The following RTL9 variants were observed in gnomAD, a reference collection of about 807,000 sequenced individuals.
RTL9 encodes retrotransposon Gag like 9, also known as retrotransposon Gag-like protein 9.
Under a neutral mutation model 44.7 loss-of-function variants are expected in RTL9, and 19 were observed. The observed-to-expected ratio is 0.42, with a 90% CI of 0.30 to 0.62. The LOEUF (loss-of-function observed/expected upper bound fraction) is 0.62. Ranked by LOEUF, RTL9 falls within the 20% of genes least tolerant of loss-of-function variation. The pLI is 0.16. For missense variants in RTL9, 1,105 were observed against 1,080.6 expected (o/e 1.02, Z -0.32); for synonymous variants, 407 against 398.9 (o/e 1.02, Z -0.24).
intron 1 of RTL9, among the ~76,000 whole-genome samples, chrX:110,392,126 A>T (rs2148287200): frequency 8.9e-6 from 1 of 112,299 alleles, no homozygotes; most frequent in Admixed American, 9.5e-5. Context: ...TTGATTTGAC[A>T]TTTAAAATAG....
intron 1 of RTL9, among the ~76,000 whole-genome samples, chrX:110,431,879 T>A (rs1045120116): frequency 9.0e-6 from 1 of 111,102 alleles, no homozygotes; most frequent in African/African-American, 3.3e-5. Context: ...CAGGAGAGAT[T>A]TGGGAGTTAG....
chrX:110,373,021 T>A (rs1237673429), intron 1 of RTL9, among the ~76,000 whole-genome samples: 1 of 112,330 alleles, frequency 8.9e-6, no homozygotes, highest in African/African-American at 3.2e-5. Flanking sequence ...GTACTTACTA[T>A]GTGCCAAGCA....
intron 1 of RTL9, among the ~76,000 whole-genome samples, chrX:110,398,868 G>A (rs776445128): frequency 1.8e-5 from 2 of 112,177 alleles, no homozygotes; most frequent in African/African-American, 3.2e-5. Context: ...TTCATTTGCC[G>A]ACTTTAATTG....
upstream of RTL9, among the ~76,000 whole-genome samples, chrX:110,417,080 C>T (rs967024621): frequency 1.8e-5 from 2 of 112,292 alleles, no homozygotes; most frequent in Non-Finnish European, 3.8e-5. Flanking sequence ...CCTTCAAAGG[C>T]AGTCTGTTTG....
At chrX:110,455,485 T>C in exon 2 of RTL9, 1 of 566,012 alleles carries the variant, frequency 1.8e-6, no homozygotes, top group Non-Finnish European at 2.7e-6. Context: ...TGATTTGACC[T>C]TCTCTTTCAC....
intron 1 of RTL9, among the ~76,000 whole-genome samples, chrX:110,428,753 A>G (rs2068773088): frequency 9.0e-6 from 1 of 111,274 alleles, no homozygotes; most frequent in African/African-American, 3.3e-5. Context: ...CTTCCCAACC[A>G]TACCTCCCCC....
chrX:110,432,127 G>C (rs1161324257), intron 1 of RTL9, among the ~76,000 whole-genome samples: 1 of 112,148 alleles, frequency 8.9e-6, no homozygotes, highest in Non-Finnish European at 1.9e-5. Flanking sequence ...AGAGTTAAGA[G>C]GGGATCCCTG....
At chrX:110,378,670 T>C (rs2068396327) in intron 1 of RTL9, among the ~76,000 whole-genome samples, 2 of 112,223 alleles carry the variant, frequency 1.8e-5, no homozygotes, top group Admixed American at 1.9e-4. Flanking sequence ...TTCTTTCACC[T>C]GGAATTAACT....
At chrX:110,437,487 G>C (rs1350926052) in intron 1 of RTL9, among the ~76,000 whole-genome samples, 2 of 111,975 alleles carry the variant, frequency 1.8e-5, no homozygotes, top group Non-Finnish European at 3.8e-5. Flanking sequence ...CTAGTAAGTA[G>C]CAGAGCCAGA....
intron 1 of RTL9, among the ~76,000 whole-genome samples, chrX:110,404,909 A>G (rs2068588240): frequency 8.9e-6 from 1 of 112,059 alleles, no homozygotes; most frequent in Non-Finnish European, 1.9e-5. Flanking sequence ...AAATACACAT[A>G]GTAGCATTTT....
intron 1 of RTL9, among the ~76,000 whole-genome samples, chrX:110,423,297 C>T (rs1255192695): frequency 2.9e-5 from 3 of 104,041 alleles, no homozygotes; most frequent in East Asian, 3.0e-4. Context: ...CATTGCACTC[C>T]AACCTGGGCA....
At position 110,394,795 on chromosome X, in the gene RTL9, A is replaced by T. The variant is rs189772413; in HGVS notation, c.-168+35879A>T. Reference sequence around the variant, plus strand: ...TCTGCCTCTTCAACTGGAAAATGGAATCTGTAAGTTGCAGCACTAGCTTCT... The same window carrying T: ...TCTGCCTCTTCAACTGGAAAATGGATTCTGTAAGTTGCAGCACTAGCTTCT... On this transcript the variant is annotated intron_variant, in intron 1 of 2. Coordinates refer to the RTL9 transcript ENST00000520821. 2.7e-5 allele frequency among the ~76,000 whole-genome samples: 3 copies of T among 112,586 alleles called. No homozygotes were observed. In the East Asian group the frequency reaches 8.5e-4, roughly 32 times the overall value.
chrX:110,424,358 C>T (rs2068739657), intron 1 of RTL9, among the ~76,000 whole-genome samples: 2 of 111,772 alleles, frequency 1.8e-5, no homozygotes, highest in Admixed American at 1.9e-4. Context: ...TGTTTCTCCT[C>T]CTCTATTTAT....
chrX:110,411,980 A>C (rs1204886525), intron 1 of RTL9, among the ~76,000 whole-genome samples: 1 of 112,903 alleles, frequency 8.9e-6, no homozygotes, highest in Non-Finnish European at 1.9e-5. Flanking sequence ...AAGATAATGA[A>C]CAATTCACTA....
Position 110,378,031 on chromosome X carries a change from AAT to A in RTL9, c.-168+19118_-168+19119del, listed in dbSNP as rs1331092017. Among the ~76,000 whole-genome samples, 82 of 107,592 alleles carry A rather than the reference AAT, an allele frequency of 7.6e-4. 1 individual carries two copies. Among genetic ancestry groups the A allele is most frequent in the Admixed American group, 1.7e-3 (17 of 10,068 alleles). The allele number at this position is 107,592 out of a possible 115,157, so 93.4% of individuals were successfully genotyped here. ...CTCAAAAAAAAAAAAAAAAAAAAAA[AAT>A]ATCTACCTCCATCTCAAAAACCTCT... is the stretch of plus-strand genomic sequence containing the variant. On this transcript the variant is annotated intron_variant, in intron 1 of 2. Coordinates refer to the RTL9 transcript ENST00000520821.
chrX:110,364,136 G>A (rs868050249), intron 1 of RTL9, among the ~76,000 whole-genome samples: 2 of 110,920 alleles, frequency 1.8e-5, no homozygotes, highest in African/African-American at 3.3e-5. Flanking sequence ...TCTTCCTAGC[G>A]GTTCCAGGTG....
chrX:110,426,567 G>A (rs1350449131), intron 1 of RTL9: 2 of 112,177 alleles, frequency 1.8e-5, no homozygotes. Flanking sequence ...TTACCTATGC[G>A]TGAGACATGG....
chrX:110,451,586 G>A lies in RTL9; in HGVS notation c.969G>A (p.Pro323=), dbSNP rs777578457. The A allele has an allele frequency of 1.4e-5, 17 of 1,209,710 alleles. 1 individual carries two copies. The highest frequency in any genetic ancestry group is 4.6e-4 in the Middle Eastern group (2 of 4,354). ...CAGGCTCTGAAGTAATGTCCACACCGCTACTGTCAGTCCCAGATGCTGGAG... is the reference window on the plus strand; with the variant it reads ...CAGGCTCTGAAGTAATGTCCACACCACTACTGTCAGTCCCAGATGCTGGAG... The change falls in exon 1 of 2, where the codon CCG becomes CCA. Residue 323 remains proline (P), a synonymous_variant. Coordinates refer to ENST00000540313, the Ensembl canonical transcript of RTL9.
At chrX:110,400,135 C>T (rs1427853987) in intron 1 of RTL9, among the ~76,000 whole-genome samples, 1 of 108,187 alleles carries the variant, frequency 9.2e-6, no homozygotes, top group Non-Finnish European at 1.9e-5. Flanking sequence ...GTTTTGGCAG[C>T]GCAGTAAATA....
Sources: gnomAD v4.1 joint callset for allele counts (sites outside exome capture counted in the v4.1 genomes callset) on GRCh38, gnomAD v4.1.1 for gene constraint, MANE v1.5 for transcripts, NCBI Gene and HGNC (gene_info 2026-07-23, HGNC 2026-07-21) for gene names.